The following CDH13 variants were observed in gnomAD, a reference collection of about 807,000 sequenced individuals.
The protein encoded by CDH13 is cadherin 13.
Under a neutral mutation model 63.8 loss-of-function variants are expected in CDH13, and 24 were observed. The ratio of observed to expected loss-of-function variants is 0.38; its 90% confidence interval spans 0.27 to 0.53. CDH13 has a LOEUF of 0.53. Among genes scored for constraint, CDH13 ranks in the 20% least tolerant of loss-of-function variants. The pLI is 0.85. For synonymous variants in CDH13, 503 were observed against 355.3 expected (o/e 1.42, Z -4.67); for missense variants, 1,049 against 903.1 (o/e 1.16, Z -2.07).
chr16:83,171,445 A>G lies in CDH13; in HGVS notation c.484-45900A>G, dbSNP rs2037911710. ...GATTTGGGTGAGGACACAGATCCAA[A>G]CCATATCAAAAGCTTTTCTAATTAG... On this transcript the variant is annotated intron_variant, in intron 4 of 13. Transcript: ENST00000567109. The G allele has an allele frequency of 3.0e-5, 37 of 1,244,444 alleles. No individual in the cohort carries two copies. In the South Asian group the frequency reaches 4.7e-4, roughly 16 times the overall value. 77.1% of individuals were successfully genotyped at this position (1,244,444 alleles called of 1,614,324 possible). A position where few individuals can be genotyped will look rare whatever the true frequency, so the allele number is the denominator to read the frequency against.
chr16:82,648,590 C>G (rs761635435), intron 1 of CDH13, among the ~76,000 whole-genome samples: 1 of 152,048 alleles, frequency 6.6e-6, no homozygotes, highest in Admixed American at 6.6e-5. Context: ...AAACAAGCCT[C>G]TAAATAAAGA....
At chr16:83,145,324 T>A (rs1329785953) in intron 4 of CDH13, among the ~76,000 whole-genome samples, 1 of 152,180 alleles carries the variant, frequency 6.6e-6, no homozygotes, top group Non-Finnish European at 1.5e-5. Flanking sequence ...ATTTGTTGTT[T>A]GAAACCCAAC....
intron 2 of CDH13, among the ~76,000 whole-genome samples, chr16:82,891,522 C>T (rs1218665573): frequency 3.3e-5 from 5 of 152,144 alleles, no homozygotes; most frequent in African/African-American, 4.8e-5. Flanking sequence ...GAAGATCCCA[C>T]CTATTGAGTA....
intron 4 of CDH13, among the ~76,000 whole-genome samples, chr16:83,127,447 T>C (rs1174497104): frequency 2.0e-5 from 3 of 152,146 alleles, no homozygotes; most frequent in Non-Finnish European, 4.4e-5. Context: ...AAATTGATCT[T>C]GGACGGGCAT....
rs892614740 is a variant in CDH13, at chr16:82,871,036, G to T, written c.157+12563G>T. Among the ~76,000 whole-genome samples, 3 of 152,174 alleles carry T rather than the reference G, an allele frequency of 2.0e-5. No individual in the cohort carries two copies. In the East Asian group the frequency reaches 5.8e-4, roughly 29 times the overall value. On this transcript the variant is annotated intron_variant, in intron 2 of 13. Coordinates refer to ENST00000567109, the MANE Select transcript of CDH13 (RefSeq NM_001257.5). ...CCTAAGACTGTTCATGGAGTCAAAT[G>T]ATGTTCCATAGAAGACAAAACCATC...
At chr16:83,063,222 A>C (rs1057039732) in intron 3 of CDH13, among the ~76,000 whole-genome samples, 1 of 152,084 alleles carries the variant, frequency 6.6e-6, no homozygotes, top group African/African-American at 2.4e-5. Flanking sequence ...TCAGCCTCCC[A>C]AAGTGCTGGA....
intron 1 of CDH13, among the ~76,000 whole-genome samples, chr16:82,834,461 C>T (rs560122564): frequency 1.3e-5 from 2 of 152,162 alleles, no homozygotes; most frequent in South Asian, 2.1e-4. Context: ...AAGAAAGTTT[C>T]CCCCTCTAAA....
intron 2 of CDH13, among the ~76,000 whole-genome samples, chr16:82,977,176 C>G (rs899260317): frequency 5.3e-5 from 8 of 152,196 alleles, no homozygotes; most frequent in African/African-American, 1.9e-4. Context: ...TTGCCCTTGG[C>G]CCTGCTCTCT....
Position 82,845,917 on chromosome 16 carries a change from G to C in CDH13, c.46-12445G>C, listed in dbSNP as rs777440021. Among the ~76,000 whole-genome samples the C allele has an allele frequency of 2.6e-5, 4 of 152,150 alleles. No individual in the cohort carries two copies. In the East Asian group the frequency reaches 7.7e-4, roughly 29 times the overall value. On this transcript the variant is annotated intron_variant, in intron 1 of 13. Coordinates refer to ENST00000567109, the MANE Select transcript of CDH13 (RefSeq NM_001257.5). ...ATTTTTCCTTTTAAGTTTTCCAAGT[G>C]AGCCCAGTGGCTTAATCCTGGAATC...
chr16:82,970,154 C>A (rs1366575102), intron 2 of CDH13, among the ~76,000 whole-genome samples: 1 of 152,056 alleles, frequency 6.6e-6, no homozygotes, highest in Admixed American at 6.5e-5. Flanking sequence ...GTTCACCTCC[C>A]ACTCAGGAAT....
At chr16:82,900,586 T>C (rs904207373) in intron 2 of CDH13, among the ~76,000 whole-genome samples, 2 of 152,176 alleles carry the variant, frequency 1.3e-5, no homozygotes, top group African/African-American at 4.8e-5. Context: ...CTTAAACATG[T>C]TTGTAAGCTG....
At chr16:83,197,106 A>G (rs959182981) in intron 4 of CDH13, among the ~76,000 whole-genome samples, 1 of 152,236 alleles carries the variant, frequency 6.6e-6, no homozygotes, top group Non-Finnish European at 1.5e-5. Flanking sequence ...TGGCTCAGCA[A>G]TAAAATGAAT....
chr16:83,207,302 C>T (rs2039211039), intron 4 of CDH13, among the ~76,000 whole-genome samples: 5 of 152,180 alleles, frequency 3.3e-5, no homozygotes, highest in South Asian at 4.1e-4. Context: ...GTTACAACTC[C>T]AGGTGCCTCT....
intron 2 of CDH13, among the ~76,000 whole-genome samples, chr16:82,992,187 C>T (rs1395926027): frequency 6.6e-6 from 1 of 152,122 alleles, no homozygotes; most frequent in African/African-American, 2.4e-5. Context: ...TGTCCTAGTC[C>T]AGCCTCTGTT....
intron 1 of CDH13, among the ~76,000 whole-genome samples, chr16:82,674,807 CG>C (rs1913707994): frequency 6.6e-6 from 1 of 152,030 alleles, no homozygotes; most frequent in Admixed American, 6.6e-5. Context: ...TATGTGTTGG[CG>C]GGACGGGGGC....
intron 1 of CDH13, among the ~76,000 whole-genome samples, chr16:82,668,267 G>A (rs1912840080): frequency 6.6e-6 from 1 of 152,238 alleles, no homozygotes; most frequent in Middle Eastern, 3.4e-3. Flanking sequence ...GGTGAGCAAT[G>A]CCTTCTAGGC....
At chr16:83,314,581 C>T (rs1049260485) in intron 5 of CDH13, among the ~76,000 whole-genome samples, 1 of 151,518 alleles carries the variant, frequency 6.6e-6, no homozygotes, top group Non-Finnish European at 1.5e-5. Context: ...GTATTTTTTT[C>T]ATCTACACTC....
At chr16:83,441,687 T>C (rs2072484623) in intron 6 of CDH13, among the ~76,000 whole-genome samples, 1 of 152,086 alleles carries the variant, frequency 6.6e-6, no homozygotes, top group Admixed American at 6.6e-5. Context: ...GTCAGTTAGC[T>C]CTGTGACAGT....
chr16:83,042,353 C>A (rs1222398668), intron 3 of CDH13, among the ~76,000 whole-genome samples: 1 of 152,110 alleles, frequency 6.6e-6, no homozygotes, highest in Non-Finnish European at 1.5e-5. Context: ...GGAGTGTGAA[C>A]CCTATTGTAA....
Sources: allele counts gnomAD v4.1 joint callset (sites outside exome capture counted in the v4.1 genomes callset), GRCh38; gene constraint gnomAD v4.1.1; transcripts MANE v1.5; gene names NCBI Gene and HGNC (gene_info 2026-07-23, HGNC 2026-07-21).